The following FHIT variants were observed in gnomAD, a reference collection of about 807,000 sequenced individuals.
FHIT encodes fragile histidine triad diadenosine triphosphatase, also known as bis(5'-adenosyl)-triphosphatase.
FHIT carries 19 observed loss-of-function variants against 17.9 expected under a neutral mutation model. That is an observed-to-expected ratio of 1.06 (90% confidence interval 0.74 to 1.56). The LOEUF (loss-of-function observed/expected upper bound fraction) is 1.56, where lower values mean the gene tolerates loss of function less well. Ranked by LOEUF, FHIT falls within the 40% of genes most tolerant of loss-of-function variation. The pLI, the probability that FHIT is intolerant of heterozygous loss-of-function variation, is 0.00. For missense variants in FHIT, 248 were observed against 189.2 expected (o/e 1.31, Z -1.82); for synonymous variants, 81 against 69.7 (o/e 1.16, Z -0.81).
intron 5 of FHIT, among the ~76,000 whole-genome samples, chr3:60,031,666 C>T (rs1357288177): frequency 1.3e-5 from 2 of 152,124 alleles, no homozygotes; most frequent in Non-Finnish European, 2.9e-5. Flanking sequence ...AGCAAAAGGA[C>T]CCCCACCATT....
At chr3:59,761,411 T>C (rs1335141525) in intron 8 of FHIT, among the ~76,000 whole-genome samples, 1 of 152,138 alleles carries the variant, frequency 6.6e-6, no homozygotes, top group African/African-American at 2.4e-5. Context: ...AAACCAGGGA[T>C]AGTACTGAAC....
chr3:60,672,353 A>G (rs62251498), intron 4 of FHIT, among the ~76,000 whole-genome samples: 5,861 of 144,882 alleles, frequency 0.04, 163 homozygotes, highest in African/African-American at 0.079. Context: ...TGGGTAGGTA[A>G]AGGAAAATTA....
intron 3 of FHIT, among the ~76,000 whole-genome samples, chr3:60,863,217 T>G (rs538288214): frequency 2.0e-5 from 3 of 152,292 alleles, no homozygotes; most frequent in Non-Finnish European, 4.4e-5. Context: ...GGTGGAGCCC[T>G]GCCTAACAGA....
At chr3:61,227,110 A>G (rs1253754486) in intron 1 of FHIT, among the ~76,000 whole-genome samples, 1 of 152,190 alleles carries the variant, frequency 6.6e-6, no homozygotes. Flanking sequence ...GAGCAGCCAG[A>G]TAAGAGGTGA....
At chr3:60,177,311 T>C (rs1701724216) in intron 5 of FHIT, among the ~76,000 whole-genome samples, 2 of 149,942 alleles carry the variant, frequency 1.3e-5, no homozygotes, top group Non-Finnish European at 3.0e-5. Context: ...ACCTAGAATT[T>C]GATAGTCAGT....
intron 5 of FHIT, among the ~76,000 whole-genome samples, chr3:60,179,697 AT>A (rs1701838208): frequency 6.6e-6 from 1 of 152,118 alleles, no homozygotes; most frequent in Non-Finnish European, 1.5e-5. Context: ...AAAAAAAAAA[AT>A]AGGTTCCTTC....
chr3:60,259,349 T>C (rs2107606727), intron 5 of FHIT, among the ~76,000 whole-genome samples: 1 of 152,220 alleles, frequency 6.6e-6, no homozygotes, highest in African/African-American at 2.4e-5. Flanking sequence ...ATACAATCTG[T>C]TCAGGGGAAA....
intron 3 of FHIT, among the ~76,000 whole-genome samples, chr3:60,860,784 G>A (rs782414156): frequency 0.76 from 7,528 of 9,954 alleles, 3,573 homozygotes; most frequent in Middle Eastern, 1. Flanking sequence ...CATATATCAG[G>A]TATATATGAT....
rs142602238 is a variant in FHIT at position 61,206,991 on chromosome 3, C to A, written c.-212-6326G>T. ...AGCTCTTATTATTTTGAGATATGAC[C>A]CATCAATACCTAATTTATTGAGAGT... On this transcript the variant is annotated intron_variant, in intron 1 of 9. Coordinates refer to ENST00000492590, the MANE Select transcript of FHIT (RefSeq NM_002012.4). Among the ~76,000 whole-genome samples the A allele has an allele frequency of 1.9e-4, 29 of 152,152 alleles. No individual in the cohort carries two copies. The East Asian group carries it at 5.2e-3, about 27-fold the overall frequency.
Position 60,949,480 on chromosome 3 carries a change from C to T in FHIT, c.-111+92567G>A, listed in dbSNP as rs571166386. ...TGAGGGATTCTGAAAATGAACATAT[C>T]TGCAAACTTCTAGATCCCCTTAACC... On this transcript the variant is annotated intron_variant, in intron 3 of 9. Coordinates refer to ENST00000492590, the MANE Select transcript of FHIT (RefSeq NM_002012.4). 1.1e-4 allele frequency among the ~76,000 whole-genome samples: 16 copies of T among 152,292 alleles called. No individual in the cohort carries two copies. In the South Asian group the frequency reaches 2.3e-3, roughly 22 times the overall value.
intron 8 of FHIT, among the ~76,000 whole-genome samples, chr3:59,766,090 A>G (rs1701782255): frequency 6.6e-6 from 1 of 152,204 alleles, no homozygotes; most frequent in Non-Finnish European, 1.5e-5. Flanking sequence ...GTGAGGAGAC[A>G]AGGGGATGGT....
intron 4 of FHIT, among the ~76,000 whole-genome samples, chr3:60,738,045 T>C (rs1278314188): frequency 6.6e-6 from 1 of 152,142 alleles, no homozygotes; most frequent in Non-Finnish European, 1.5e-5. Context: ...GAGTACCTGT[T>C]AAGCTCGGCT....
chr3:60,159,658 T>G (rs561484028), intron 5 of FHIT, among the ~76,000 whole-genome samples: 1 of 152,316 alleles, frequency 6.6e-6, no homozygotes, highest in Non-Finnish European at 1.5e-5. Flanking sequence ...ATACATCTAT[T>G]AATTTTACAC....
chr3:61,188,051 A>C (rs1319098930), intron 2 of FHIT, among the ~76,000 whole-genome samples: 1 of 152,204 alleles, frequency 6.6e-6, no homozygotes, highest in Non-Finnish European at 1.5e-5. Context: ...CACATTCAAA[A>C]GCTAGCAGAA....
rs529608657 is a variant in FHIT, at chr3:60,192,245, T to C, written c.104-178093A>G. On this transcript the variant is annotated intron_variant, in intron 5 of 9. Transcript: ENST00000492590. The stretch of plus-strand genomic sequence containing the variant: ...CAGCCTGGGCAACAGAGCAACACTA[T>C]GTCTCAAAAAAAAAAAAAAAAAAGT... Among the ~76,000 whole-genome samples the C allele has an allele frequency of 5.7e-3, 542 of 95,204 alleles. 2 individuals carry two copies. Among genetic ancestry groups the C allele is most frequent in the African/African-American group, 0.019 (508 of 26,316 alleles). 62.5% of individuals were successfully genotyped at this position (95,204 alleles called of 152,430 possible).
chr3:60,705,414 G>C (rs1307400587), intron 4 of FHIT, among the ~76,000 whole-genome samples: 3 of 152,106 alleles, frequency 2.0e-5, no homozygotes, highest in Non-Finnish European at 4.4e-5. Context: ...GTCACCCCAA[G>C]TTGCAAAAAG....
At chr3:60,311,727 C>T (rs2106761191) in intron 5 of FHIT, among the ~76,000 whole-genome samples, 1 of 152,290 alleles carries the variant, frequency 6.6e-6, no homozygotes, top group Non-Finnish European at 1.5e-5. Context: ...GGTTTGTGAG[C>T]TATCATTTGT....
chr3:60,600,804 A>C (rs1253553242), intron 4 of FHIT, among the ~76,000 whole-genome samples: 3 of 152,216 alleles, frequency 2.0e-5, no homozygotes, highest in Non-Finnish European at 4.4e-5. Context: ...TTGAGACCTT[A>C]TCAGGACTAC....
intron 4 of FHIT, among the ~76,000 whole-genome samples, chr3:60,570,747 A>AAC (rs1451023151): frequency 2.8e-4 from 43 of 151,024 alleles, no homozygotes; most frequent in Non-Finnish European, 4.4e-4. Flanking sequence ...TAAAAAAAAA[A>AAC]AAAAAAAACT....
Sources: allele counts gnomAD v4.1 joint callset (sites outside exome capture counted in the v4.1 genomes callset), GRCh38; gene constraint gnomAD v4.1.1; transcripts MANE v1.5; gene names NCBI Gene and HGNC (gene_info 2026-07-23, HGNC 2026-07-21).